TAOK1: variants seen among roughly 807,000 people sequenced by gnomAD.
TAOK1 encodes TAO kinase 1.
TAOK1 carries 21 observed loss-of-function variants against 138.3 expected under a neutral mutation model. The ratio of observed to expected loss-of-function variants is 0.15; its 90% CI spans 0.11 to 0.22. TAOK1 has a LOEUF of 0.22. TAOK1 is among the 10% of genes least tolerant of loss of function. The pLI is 1.00. For synonymous variants in TAOK1, 361 were observed against 398.4 expected (o/e 0.91, Z 1.12); for missense variants, 651 against 1,227.7 (o/e 0.53, Z 7.02).
chr17:29,397,723 GTA>G (rs1904695756), intron 1 of TAOK1, among the ~76,000 whole-genome samples: 1 of 77,636 alleles, frequency 1.3e-5, no homozygotes, highest in Non-Finnish European at 2.4e-5. Flanking sequence ...ATACATGTAT[GTA>G]TATACATATA....
chr17:29,431,605 C>T (rs557322851), intron 1 of TAOK1, among the ~76,000 whole-genome samples: 31 of 151,862 alleles, frequency 2.0e-4, no homozygotes, highest in African/African-American at 5.6e-4. Context: ...TGGAGACATA[C>T]GGTTTTATAA....
At position 29,391,013 on chromosome 17, in the gene TAOK1, G is replaced by A. The variant is rs74898550; in HGVS notation, c.-106G>A. On this transcript the variant is annotated 5_prime_UTR_variant, in exon 1 of 20. Coordinates refer to ENST00000261716, the MANE Select transcript of TAOK1 (RefSeq NM_020791.4). ...CGCCTGCCTGCTCCGCCCCAGACCT[G>A]TCGGCGAAAGGGTAAGGGCACCTCT... The A allele has an allele frequency of 1.5e-3, 225 of 152,604 alleles. 3 individuals are homozygous for A. The East Asian group carries it at 0.021, about 15-fold the overall frequency. The allele number at this position is 152,604 out of a possible 1,614,324, so 9.5% of individuals were successfully genotyped here.
chr17:29,395,915 G>A (rs1904586604), intron 1 of TAOK1, among the ~76,000 whole-genome samples: 1 of 134,786 alleles, frequency 7.4e-6, no homozygotes, highest in Admixed American at 9.2e-5. Flanking sequence ...CTATCTACCT[G>A]CCTTGGCCTC....
intron 9 of TAOK1, among the ~76,000 whole-genome samples, chr17:29,490,822 C>G (rs892799029): frequency 1.3e-5 from 2 of 152,160 alleles, no homozygotes; most frequent in East Asian, 3.9e-4. Flanking sequence ...CTCCTACTTA[C>G]AAGATAGTGC....
chr17:29,410,021 CTTA>C (rs543403186), intron 1 of TAOK1, among the ~76,000 whole-genome samples: 12 of 152,120 alleles, frequency 7.9e-5, no homozygotes, highest in Middle Eastern at 3.4e-3. Context: ...TTGTTCTAGT[CTTA>C]TTATTGTTGC....
rs1342241798 is a variant in TAOK1, at chr17:29,397,821, A to G, written c.-95+6797A>G. 3.3e-5 allele frequency among the ~76,000 whole-genome samples: 5 copies of G among 150,914 alleles called. No homozygotes were observed. The South Asian group carries it at 8.3e-4, about 25-fold the overall frequency. The stretch of plus-strand genomic sequence containing the variant: ...TATTCATGTATGTATATATGTATAT[A>G]CATGTATATATATGTGTATATATAT... On this transcript the variant is annotated intron_variant, in intron 1 of 19. Coordinates refer to ENST00000261716, the MANE Select transcript of TAOK1 (RefSeq NM_020791.4).
chr17:29,541,406 G>A (rs762881450), intron 19 of TAOK1, among the ~76,000 whole-genome samples: 5 of 151,830 alleles, frequency 3.3e-5, no homozygotes, highest in South Asian at 2.1e-4. Context: ...CACCGCGCCC[G>A]GCCTAGATAG....
chr17:29,498,770 T>C (rs376799985), intron 12 of TAOK1, among the ~76,000 whole-genome samples: 2 of 151,812 alleles, frequency 1.3e-5, no homozygotes, highest in Admixed American at 6.6e-5. Flanking sequence ...ATACAAAAAT[T>C]AGCTAGGCAT....
rs1257321889 is a variant in TAOK1 at position 29,547,520 on chromosome 17, C to T, written c.*4498C>T. ...ATGGTCCTGCATTTTGTCCTGTGCT[C>T]ACAATGTGAAGTGTCTTCTGTATTC... On this transcript the variant is annotated 3_prime_UTR_variant, in exon 20 of 20. Transcript: ENST00000261716. 1 of 152,034 alleles carries T rather than the reference C, an allele frequency of 6.6e-6. No individual in the cohort carries two copies. The highest frequency in any genetic ancestry group is 1.9e-4 in the East Asian group (1 of 5,190). 9.4% of individuals were successfully genotyped at this position (152,034 alleles called of 1,614,324 possible).
chr17:29,520,222 A>G (rs1033593958), intron 16 of TAOK1, among the ~76,000 whole-genome samples: 32 of 151,940 alleles, frequency 2.1e-4, no homozygotes, highest in Non-Finnish European at 1.8e-4. Flanking sequence ...AACAGCTTAA[A>G]TGTCCAACCA....
chr17:29,525,016 T>TA (rs2031985723), intron 17 of TAOK1, among the ~76,000 whole-genome samples: 1 of 152,204 alleles, frequency 6.6e-6, no homozygotes, highest in Admixed American at 6.5e-5. Flanking sequence ...TTACTCTTGT[T>TA]AAAGAAAAAT....
chr17:29,546,874 G>A lies in TAOK1; in HGVS notation c.*3852G>A, dbSNP rs912611549. ...TGTTTCTTAAGAATGAGTACTCTGCGTTGATGTTTATGAGAAGGTGGTCAT... is the reference window on the plus strand; with the variant it reads ...TGTTTCTTAAGAATGAGTACTCTGCATTGATGTTTATGAGAAGGTGGTCAT... On this transcript the variant is annotated 3_prime_UTR_variant, in exon 20 of 20. Coordinates refer to ENST00000261716, the MANE Select transcript of TAOK1 (RefSeq NM_020791.4). The A allele has an allele frequency of 2.6e-5, 4 of 152,074 alleles. No individual in the cohort carries two copies. Among genetic ancestry groups the A allele is most frequent in the African/African-American group, 4.8e-5 (2 of 41,422 alleles). The allele number at this position is 152,074 out of a possible 1,614,324, so 9.4% of individuals were successfully genotyped here.
In TAOK1 at chr17:29,534,285, A is replaced by G; in HGVS notation, c.2529A>G (p.Ala843=). ...AACAGAGGGTCTCCCTCCGGAGGGC[A>G]CTCTTAGAACAAAAGGTATAAGTAA... ...ELEQRVSLRR[A]LLEQKIEEEM... is the part of the protein sequence containing the mutation. The change falls in exon 19 of 20, where the codon GCA becomes GCG. Residue 843 remains alanine, a synonymous_variant. Coordinates refer to ENST00000261716, the MANE Select transcript of TAOK1 (RefSeq NM_020791.4). 6.3e-7 allele frequency: 1 copy of G among 1,594,612 alleles called. No homozygotes were observed. Among genetic ancestry groups the G allele is most frequent in the Non-Finnish European group, 8.5e-7 (1 of 1,172,624 alleles).
intron 1 of TAOK1, among the ~76,000 whole-genome samples, chr17:29,430,129 G>T (rs577754455): frequency 6.6e-6 from 1 of 152,132 alleles, no homozygotes; most frequent in African/African-American, 2.4e-5. Context: ...TTTGGACAAA[G>T]AATTGGTTAA....
chr17:29,421,848 G>A (rs1341050820), intron 1 of TAOK1, among the ~76,000 whole-genome samples: 1 of 151,682 alleles, frequency 6.6e-6, no homozygotes, highest in Non-Finnish European at 1.5e-5. Flanking sequence ...AGTGATCCTC[G>A]CCACTCGGCT....
At chr17:29,422,347 G>C (rs1905476916) in intron 1 of TAOK1, among the ~76,000 whole-genome samples, 1 of 151,834 alleles carries the variant, frequency 6.6e-6, no homozygotes, top group Non-Finnish European at 1.5e-5. Context: ...GGAACTACAG[G>C]CACGAGCCAC....
chr17:29,464,443 C>G lies in TAOK1; in HGVS notation c.133-2702C>G, dbSNP rs368431167. ...TGGACTACTAAGCGAGACTCCATCT[C>G]AAAAAAAAAAAAAAAGAAAAAAAAA... On this transcript the variant is annotated intron_variant, in intron 2 of 19. Coordinates refer to ENST00000261716, the MANE Select transcript of TAOK1 (RefSeq NM_020791.4). 6.6e-5 allele frequency among the ~76,000 whole-genome samples: 4 copies of G among 60,620 alleles called. No individual in the cohort carries two copies. The East Asian group carries it at 1.9e-3, about 29-fold the overall frequency. 39.8% of individuals were successfully genotyped at this position (60,620 alleles called of 152,430 possible). A position where few individuals can be genotyped will look rare whatever the true frequency, so the allele number is the denominator to read the frequency against.
intron 18 of TAOK1, among the ~76,000 whole-genome samples, chr17:29,532,419 C>A (rs1341544948): frequency 7.4e-5 from 11 of 148,428 alleles, no homozygotes; most frequent in African/African-American, 2.7e-4. Flanking sequence ...GGTCATAGGA[C>A]AATAGTGGAG....
intron 2 of TAOK1, among the ~76,000 whole-genome samples, chr17:29,462,809 T>G (rs2030560245): frequency 6.6e-6 from 1 of 152,240 alleles, no homozygotes; most frequent in African/African-American, 2.4e-5. Flanking sequence ...GTGTGTATTT[T>G]CTTTTTCCTA....
Sources: gnomAD v4.1 joint callset for allele counts (sites outside exome capture counted in the v4.1 genomes callset) on GRCh38, gnomAD v4.1.1 for gene constraint, MANE v1.5 for transcripts, NCBI Gene and HGNC (gene_info 2026-07-23, HGNC 2026-07-21) for gene names.